Variants in PLXDC2 observed in about 807,000 individuals in gnomAD.
PLXDC2 encodes plexin domain-containing protein 2.
Under a neutral mutation model 68.9 loss-of-function variants are expected in PLXDC2, and 40 were observed. That is an observed-to-expected ratio of 0.58 (90% confidence interval 0.45 to 0.76). The LOEUF is 0.76. Among genes scored for constraint, PLXDC2 ranks in the 30% least tolerant of loss-of-function variants. PLXDC2 has a pLI of 0.00. For missense variants in PLXDC2, 644 were observed against 661.9 expected (o/e 0.97, Z 0.30); for synonymous variants, 243 against 234.2 (o/e 1.04, Z -0.34).
rs1554764570 is a variant in PLXDC2 at position 20,072,521 on chromosome 10, A to AAGAAAGAAAG, written c.541+4284_541+4293dup. ...AAAGAAAGAAAGAAAGAAAGAAAGA[A>AAGAAAGAAAG]AGAAAGAAAGAAAGAAAGAAAGAAA... is the stretch of plus-strand genomic sequence containing the variant. On this transcript the variant is annotated intron_variant, in intron 4 of 13. Transcript: ENST00000377252. Among the ~76,000 whole-genome samples, 82 of 102,316 alleles carry AAGAAAGAAAG rather than the reference A, an allele frequency of 8.0e-4. 1 individual carries two copies. Among genetic ancestry groups the AAGAAAGAAAG allele is most frequent in the Non-Finnish European group, 1.2e-3 (69 of 59,002 alleles). 67.1% of individuals were successfully genotyped at this position (102,316 alleles called of 152,430 possible). A position where few individuals can be genotyped will look rare whatever the true frequency, so the allele number is the denominator to read the frequency against.
At position 20,094,246 on chromosome 10, in the gene PLXDC2, T is replaced by C. The variant is rs543703942; in HGVS notation, c.541+26007T>C. Among the ~76,000 whole-genome samples, 243 of 152,352 alleles carry C rather than the reference T, an allele frequency of 1.6e-3. 1 individual carries two copies. The highest frequency in any genetic ancestry group is 4.8e-3 in the African/African-American group (199 of 41,590). ...ACATTGTTTGAAAGTAATTTGGGTA[T>C]GGCTTAAAATATCTGAGAACGTCAT... On this transcript the variant is annotated intron_variant, in intron 4 of 13. Transcript: ENST00000377252.
chr10:19,953,523 C>T (rs760470288), intron 1 of PLXDC2, among the ~76,000 whole-genome samples: 7 of 152,116 alleles, frequency 4.6e-5, no homozygotes, highest in Non-Finnish European at 7.4e-5. Context: ...AAAACAGAAA[C>T]AGGTCTAGCA....
At chr10:20,064,001 T>A (rs1480801653) in intron 3 of PLXDC2, among the ~76,000 whole-genome samples, 1 of 152,210 alleles carries the variant, frequency 6.6e-6, no homozygotes, top group Non-Finnish European at 1.5e-5. Flanking sequence ...GCAAATTCAG[T>A]CGATTTTGTT....
At chr10:19,918,618 G>A (rs1833408141) in intron 1 of PLXDC2, among the ~76,000 whole-genome samples, 1 of 152,158 alleles carries the variant, frequency 6.6e-6, no homozygotes, top group African/African-American at 2.4e-5. Context: ...AGCTTGGTCT[G>A]GCCTCTAACT....
chr10:20,057,809 T>C (rs1836025384), intron 3 of PLXDC2, among the ~76,000 whole-genome samples: 1 of 151,872 alleles, frequency 6.6e-6, no homozygotes, highest in Non-Finnish European at 1.5e-5. Context: ...GCAAAAAGGA[T>C]GTCATAAGGG....
chr10:20,188,515 TA>T (rs1564346672), intron 9 of PLXDC2, among the ~76,000 whole-genome samples: 1 of 151,744 alleles, frequency 6.6e-6, no homozygotes, highest in Non-Finnish European at 1.5e-5. Context: ...GGCTTTTTAA[TA>T]AGCCTTTTTG....
intron 1 of PLXDC2, among the ~76,000 whole-genome samples, chr10:19,997,384 A>C (rs1269713736): frequency 6.6e-6 from 1 of 152,210 alleles, no homozygotes; most frequent in Non-Finnish European, 1.5e-5. Context: ...AACAATCTGA[A>C]TGTTTCAGAG....
chr10:19,966,629 T>G (rs151070129), intron 1 of PLXDC2, among the ~76,000 whole-genome samples: 7 of 152,134 alleles, frequency 4.6e-5, no homozygotes, highest in African/African-American at 1.4e-4. Context: ...ACACACAGTT[T>G]TGCATTTTGT....
chr10:19,987,472 G>A (rs1025897152), intron 1 of PLXDC2, among the ~76,000 whole-genome samples: 3 of 151,878 alleles, frequency 2.0e-5, no homozygotes, highest in Admixed American at 6.6e-5. Flanking sequence ...GGATGTAAAT[G>A]GATTGAAATT....
chr10:20,199,885 TC>T (rs1834893321), intron 9 of PLXDC2, among the ~76,000 whole-genome samples: 1 of 151,884 alleles, frequency 6.6e-6, no homozygotes, highest in Non-Finnish European at 1.5e-5. Flanking sequence ...ATGTTAGTCA[TC>T]TATTTGGGGA....
At chr10:20,044,308 C>G (rs12763216) in intron 2 of PLXDC2, among the ~76,000 whole-genome samples, 2 of 117,414 alleles carry the variant, frequency 1.7e-5, no homozygotes, top group African/African-American at 6.2e-5. Context: ...TTCTCTCTCT[C>G]TCTTTCTTTC....
intron 4 of PLXDC2, among the ~76,000 whole-genome samples, chr10:20,081,747 CAGG>C (rs1337488984): frequency 6.6e-6 from 1 of 152,048 alleles, no homozygotes; most frequent in Non-Finnish European, 1.5e-5. Context: ...TAAATAAAAA[CAGG>C]AGAAGTCTGG....
chr10:19,936,539 G>A lies in PLXDC2; in HGVS notation c.113-65236G>A, dbSNP rs115189057. ...TTGGCTCATGGATCATAATTTGCCA[G>A]CCTCTGCTTTATATAATGCCTGACA... On this transcript the variant is annotated intron_variant, in intron 1 of 13. Coordinates refer to ENST00000377252, the MANE Select transcript of PLXDC2 (RefSeq NM_032812.9). Among the ~76,000 whole-genome samples the A allele has an allele frequency of 9.2e-3, 1,405 of 152,254 alleles. 22 individuals are homozygous for A. The highest frequency in any genetic ancestry group is 0.032 in the African/African-American group (1,339 of 41,536).
intron 9 of PLXDC2, among the ~76,000 whole-genome samples, chr10:20,198,533 A>G (rs1456807206): frequency 1.3e-5 from 2 of 152,034 alleles, no homozygotes; most frequent in African/African-American, 2.4e-5. Context: ...TCAACTTTTA[A>G]CTCTTAGTTA....
chr10:20,186,933 G>C (rs546579489), intron 9 of PLXDC2, among the ~76,000 whole-genome samples: 1 of 151,966 alleles, frequency 6.6e-6, no homozygotes, highest in East Asian at 1.9e-4. Flanking sequence ...TATATACCCA[G>C]TAATGGGATT....
intron 2 of PLXDC2, chr10:20,043,216 A>G (rs1180140861): frequency 6.6e-6 from 1 of 152,196 alleles, no homozygotes; most frequent in Non-Finnish European, 1.5e-5. Context: ...TAAGTAAACA[A>G]TAAATTGTCT....
At chr10:19,830,876 A>G (rs1836676505) in intron 1 of PLXDC2, among the ~76,000 whole-genome samples, 1 of 152,174 alleles carries the variant, frequency 6.6e-6, no homozygotes, top group African/African-American at 2.4e-5. Flanking sequence ...CTGCTGAAAG[A>G]GTCTTGAGAA....
chr10:20,190,441 A>C (rs1008925385), intron 9 of PLXDC2, among the ~76,000 whole-genome samples: 13 of 151,832 alleles, frequency 8.6e-5, no homozygotes, highest in South Asian at 2.1e-4. Flanking sequence ...TTAAAAACAA[A>C]AGGCAAAGCT....
intron 1 of PLXDC2, among the ~76,000 whole-genome samples, chr10:19,891,619 C>T (rs968583836): frequency 4.6e-5 from 7 of 152,196 alleles, no homozygotes; most frequent in African/African-American, 1.7e-4. Flanking sequence ...TGTGTCTTCC[C>T]TACAAAGAGA....
Sources: gnomAD v4.1 joint callset for allele counts (sites outside exome capture counted in the v4.1 genomes callset) on GRCh38, gnomAD v4.1.1 for gene constraint, MANE v1.5 for transcripts, NCBI Gene and HGNC (gene_info 2026-07-23, HGNC 2026-07-21) for gene names.